The following DNAJC6 variants were observed in gnomAD, a reference collection of about 807,000 sequenced individuals.
DNAJC6 encodes auxilin.
In DNAJC6, 34 loss-of-function variants were observed where a neutral mutation model predicts 110.0. The observed-to-expected ratio is 0.31, with a 90% CI of 0.24 to 0.41. The LOEUF (loss-of-function observed/expected upper bound fraction) is 0.41. Among genes scored for constraint, DNAJC6 ranks in the 10% least tolerant of loss-of-function variants. The pLI is 1.00. For synonymous variants in DNAJC6, 406 were observed against 437.2 expected (o/e 0.93, Z 0.89); for missense variants, 1,031 against 1,207.8 (o/e 0.85, Z 2.17).
At chr1:65,384,126 G>T in intron 5 of DNAJC6, 67 bp from the exon 6 acceptor site, 1 of 1,344,064 alleles carries the variant, frequency 7.4e-7, no homozygotes, top group Non-Finnish European at 9.6e-7. Context: ...TGCAAATTCT[G>T]CCATTTTCAA....
intron 1 of DNAJC6, among the ~76,000 whole-genome samples, chr1:65,312,075 C>G (rs997962906): frequency 1.3e-5 from 2 of 152,156 alleles, no homozygotes; most frequent in Admixed American, 1.3e-4. Context: ...CTTTAATAAT[C>G]TGTTGTGATG....
chr1:65,364,614 G>GTTTTTTTTTT, intron 1 of DNAJC6, 21 bp from the exon 2 acceptor site: 1 of 1,424,452 alleles, frequency 7.0e-7, no homozygotes, highest in Non-Finnish European at 9.3e-7. Context: ...TTGTTTGTTT[G>GTTTTTTTTTT]TTTTTTTTTT....
At chr1:65,409,711 G>A (rs1264749314) in intron 17 of DNAJC6, among the ~76,000 whole-genome samples, 1 of 152,148 alleles carries the variant, frequency 6.6e-6, no homozygotes. Flanking sequence ...AAGGCTGAGG[G>A]AAGTGTGGCT....
At chr1:65,277,137 T>G (rs994036343) in intron 1 of DNAJC6, among the ~76,000 whole-genome samples, 5 of 151,292 alleles carry the variant, frequency 3.3e-5, no homozygotes, top group Middle Eastern at 3.4e-3. Context: ...AACACGTCTG[T>G]TTTTTTTTGT....
In DNAJC6 at chr1:65,398,834, A is replaced by G. The variant is rs758861177; in HGVS notation, c.2060A>G (p.Asn687Ser). Residue 687 changes from asparagine to serine, a missense_variant, in exon 14 of 19, where the codon AAC (asparagine) becomes AGC (serine). By Grantham distance (46) the Asn-to-Ser change is conservative. Coordinates refer to ENST00000371069, the MANE Select transcript of DNAJC6 (RefSeq NM_001256864.2). The part of the protein sequence containing the change: ...TVHASSTPAV[N>S]IQPDVSGGWD... Reference sequence around the variant, plus strand: ...GCAGCTTCTAGTACGCCTGCTGTGAACATTCAGCCAGATGTTTCTGGAGGT... The same window carrying G: ...GCAGCTTCTAGTACGCCTGCTGTGAGCATTCAGCCAGATGTTTCTGGAGGT... 6.2e-7 allele frequency: 1 copy of G among 1,614,084 alleles called. No homozygotes were observed. Among genetic ancestry groups the G allele is most frequent in the South Asian group, 1.1e-5 (1 of 91,078 alleles).
At chr1:65,307,010 CTCTCTCTCTATATATA>C (rs1383887760), upstream of DNAJC6, among the ~76,000 whole-genome samples, 36 of 84,768 alleles carry the variant, frequency 4.2e-4, no homozygotes, top group African/African-American at 1.8e-3. Context: ...CTCTCTCTCT[CTCTCTCTCTATATATA>C]TATATATATA....
At chr1:65,388,007 A>T in intron 8 of DNAJC6, among the ~76,000 whole-genome samples, 1 of 152,172 alleles carries the variant, frequency 6.6e-6, no homozygotes. Flanking sequence ...GAGAATATGA[A>T]CTTTTAAGAC....
intron 1 of DNAJC6, among the ~76,000 whole-genome samples, chr1:65,343,954 G>T (rs780607674): frequency 6.6e-5 from 10 of 152,174 alleles, no homozygotes; most frequent in Non-Finnish European, 5.9e-5. Flanking sequence ...ACAGAAACGT[G>T]TTCCAATTGA....
intron 1 of DNAJC6, among the ~76,000 whole-genome samples, chr1:65,290,234 T>G (rs1347682814): frequency 6.6e-6 from 1 of 152,248 alleles, no homozygotes; most frequent in Non-Finnish European, 1.5e-5. Context: ...TTGTACTGAT[T>G]TGTAGATTTT....
In DNAJC6 at chr1:65,413,081, CAA is replaced by C; in HGVS notation, c.*57_*58del. ...CTGTGCTAATGCTTAGTGTGTGTCA[CAA>C]TTCTGAGGTTTTCGCAGATGAACCA... On this transcript the variant is annotated 3_prime_UTR_variant, in exon 19 of 19. Transcript: ENST00000371069. 1 of 1,524,404 alleles carries C rather than the reference CAA, an allele frequency of 6.6e-7. No individual in the cohort carries two copies. The highest frequency in any genetic ancestry group is 9.0e-7 in the Non-Finnish European group (1 of 1,110,066). The allele number at this position is 1,524,404 out of a possible 1,614,324, so 94.4% of individuals were successfully genotyped here.
intron 4 of DNAJC6, 59 bp from the exon 5 acceptor site, chr1:65,379,343 C>A: frequency 1.2e-6 from 2 of 1,602,672 alleles, no homozygotes; most frequent in African/African-American, 1.3e-5. Context: ...GGTGTGATAA[C>A]CTGCTTATGA....
chr1:65,337,226 G>A (rs1302528950), intron 1 of DNAJC6, among the ~76,000 whole-genome samples: 2 of 149,444 alleles, frequency 1.3e-5, no homozygotes, highest in Non-Finnish European at 3.0e-5. Context: ...TATACAATGT[G>A]TGGTTGTTTC....
intron 6 of DNAJC6, among the ~76,000 whole-genome samples, chr1:65,385,344 G>A (rs1353979061): frequency 1.3e-5 from 2 of 151,740 alleles, no homozygotes; most frequent in Admixed American, 6.6e-5. Flanking sequence ...TTAATTTTTT[G>A]GATTAAAAGT....
intron 1 of DNAJC6, among the ~76,000 whole-genome samples, chr1:65,266,821 C>T (rs1192661328): frequency 6.6e-6 from 1 of 152,018 alleles, no homozygotes; most frequent in Non-Finnish European, 1.5e-5. Context: ...AATGGAAACA[C>T]TCCTGGTTTC....
chr1:65,325,046 C>A (rs1440009775), intron 1 of DNAJC6, among the ~76,000 whole-genome samples: 1 of 152,204 alleles, frequency 6.6e-6, no homozygotes, highest in Admixed American at 6.5e-5. Flanking sequence ...CTATACCCTA[C>A]AGGAATTTCT....
chr1:65,402,489 C>T (rs1170180474), intron 15 of DNAJC6, among the ~76,000 whole-genome samples: 1 of 151,952 alleles, frequency 6.6e-6, no homozygotes, highest in Non-Finnish European at 1.5e-5. Flanking sequence ...CTAAGAGGGA[C>T]ACAGTATCCA....
intron 1 of DNAJC6, 29 bp from the exon 2 acceptor site, chr1:65,364,606 G>GT (rs1557543071): frequency 3.9e-6 from 6 of 1,553,242 alleles, no homozygotes; most frequent in Admixed American, 4.1e-5. Context: ...CACCATTTTT[G>GT]TTTGTTTGTT....
At position 65,380,911 on chromosome 1, in the gene DNAJC6, G is replaced by GTTTTTT. The variant is rs1312055301; in HGVS notation, c.666+1391_666+1392insTTTTTT. On this transcript the variant is annotated intron_variant, in intron 5 of 18. Coordinates refer to ENST00000371069, the MANE Select transcript of DNAJC6 (RefSeq NM_001256864.2). ...GGGAGTTTTTTTTTTTTTGTTTTTT[G>GTTTTTT]TTTTGTTTTGTTTTTTTTTTTTTTT... Among the ~76,000 whole-genome samples, 69 of 114,892 alleles carry GTTTTTT rather than the reference G, an allele frequency of 6.0e-4. 4 individuals carry two copies. Among genetic ancestry groups the GTTTTTT allele is most frequent in the African/African-American group, 2.8e-3 (66 of 23,292 alleles). The allele number at this position is 114,892 out of a possible 152,430, so 75.4% of individuals were successfully genotyped here.
At chr1:65,310,683 T>C (rs139137624) in intron 1 of DNAJC6, among the ~76,000 whole-genome samples, 48 of 152,336 alleles carry the variant, frequency 3.2e-4, no homozygotes, top group African/African-American at 1.1e-3. Flanking sequence ...ATAAAAGGTT[T>C]GGCAAGTTAG....
Sources: allele counts gnomAD v4.1 joint callset (sites outside exome capture counted in the v4.1 genomes callset), GRCh38; gene constraint gnomAD v4.1.1; transcripts MANE v1.5; gene names NCBI Gene and HGNC (gene_info 2026-07-23, HGNC 2026-07-21).